The following LIPG variants were observed in gnomAD, a reference collection of about 807,000 sequenced individuals.
The protein encoded by LIPG is lipase G, endothelial type, also known as endothelial lipase.
A neutral mutation model predicts 51.8 loss-of-function variants in LIPG; 34 were observed. The observed-to-expected ratio is 0.66, with a 90% CI of 0.50 to 0.87. The LOEUF (loss-of-function observed/expected upper bound fraction) is 0.87, where lower values mean the gene tolerates loss of function less well. Ranked by LOEUF, LIPG falls within the 40% of genes least tolerant of loss-of-function variation. LIPG has a pLI of 0.00. For missense variants in LIPG, 580 were observed against 652.7 expected (o/e 0.89, Z 1.21); for synonymous variants, 246 against 246.1 (o/e 1.00, Z 0.00).
At chr18:49,571,444 C>T (rs540870988) in intron 4 of LIPG, among the ~76,000 whole-genome samples, 38 of 152,322 alleles carry the variant, frequency 2.5e-4, no homozygotes, top group African/African-American at 9.1e-4. Flanking sequence ...GGGCTTTTCT[C>T]CTGAGGGTGG....
intron 4 of LIPG, among the ~76,000 whole-genome samples, chr18:49,574,598 C>T (rs375418605): frequency 2.6e-5 from 4 of 152,200 alleles, no homozygotes; most frequent in African/African-American, 7.2e-5. Flanking sequence ...TAACTAGTTG[C>T]TTGTGTGTCC....
At chr18:49,575,284 C>A in intron 4 of LIPG, 85 bp from the exon 5 acceptor site, 4 of 1,038,028 alleles carry the variant, frequency 3.9e-6, no homozygotes, top group South Asian at 1.4e-5. Flanking sequence ...CTTCATTCTG[C>A]ACACTCAGAC....
intron 5 of LIPG, among the ~76,000 whole-genome samples, chr18:49,579,792 T>TCCTCCCCTCCCCTCCCCTCCC (rs1568533574): frequency 1.4e-5 from 2 of 139,734 alleles, no homozygotes; most frequent in African/African-American, 6.2e-5. Context: ...TCTTTTCTTT[T>TCCTCCCCTCCCCTCCCCTCCC]CTTTTCTTTT....
chr18:49,577,621 G>T (rs1600554922), intron 5 of LIPG, among the ~76,000 whole-genome samples: 1 of 146,382 alleles, frequency 6.8e-6, no homozygotes, highest in African/African-American at 2.6e-5. Context: ...TCACCTCCCG[G>T]ACGGGGCGGC....
intron 4 of LIPG, among the ~76,000 whole-genome samples, chr18:49,573,959 C>G (rs1353119696): frequency 1.3e-5 from 2 of 152,150 alleles, no homozygotes. Context: ...GAATGTTTAG[C>G]TGTATTCCTG....
chr18:49,581,364 AATC>A (rs2084816887), intron 5 of LIPG, 48 bp from the exon 6 acceptor site: 2 of 1,611,612 alleles, frequency 1.2e-6, no homozygotes, highest in South Asian at 2.2e-5. Context: ...TTGAGTGTCT[AATC>A]ATCAAGAAGG....
At chr18:49,571,172 A>G (rs563537577) in intron 4 of LIPG, among the ~76,000 whole-genome samples, 1 of 152,170 alleles carries the variant, frequency 6.6e-6, no homozygotes, top group Non-Finnish European at 1.5e-5. Context: ...TTGCTGGTGC[A>G]AAGCAGTTTG....
chr18:49,575,523 C>A lies in LIPG; in HGVS notation c.726C>A (p.Tyr242Ter), dbSNP rs1480380219. The change falls in exon 5 of 10, where the codon TAC (tyrosine) becomes TAA (stop). Residue 242 changes from tyrosine (Y) to a stop codon, truncating the protein, a stop_gained. Coordinates refer to ENST00000261292, the MANE Select transcript of LIPG (RefSeq NM_006033.4). LOFTEE classifies it high-confidence loss of function. ...IQMPVGHIDIYPNGGDFQPGC... is the reference protein window; with the variant it reads ...IQMPVGHIDI ...TGCCTGTGGGCCACATTGACATCTA[C>A]CCCAATGGGGGTGACTTCCAGCCAG... 1 of 1,614,164 alleles carries A rather than the reference C, an allele frequency of 6.2e-7. No individual in the cohort carries two copies. The highest frequency in any genetic ancestry group is 1.7e-5 in the Admixed American group (1 of 60,020).
Position 49,597,634 on chromosome 18 carries a change from G to T in LIPG, c.*7112G>T, listed in dbSNP as rs116980487. 0.013 allele frequency: 1,978 copies of T among 152,478 alleles called. 22 individuals are homozygous for T. Among genetic ancestry groups the T allele is most frequent in the Non-Finnish European group, 0.019 (1,319 of 68,132 alleles). The allele number at this position is 152,478 out of a possible 1,614,324, so 9.4% of individuals were successfully genotyped here. A position where few individuals can be genotyped will look rare whatever the true frequency, so the allele number is the denominator to read the frequency against. ...AAGAAGACTCTGGAAGCTAGGACAG[G>T]TCTCAGCAGGTGAGGGCTCAGGCCC... On this transcript the variant is annotated 3_prime_UTR_variant, in exon 10 of 10. Transcript: ENST00000261292.
At chr18:49,590,173 TTGTG>T (rs57137391) in intron 9 of LIPG, 35,812 of 369,720 alleles carry the variant, frequency 0.097, 1,126 homozygotes, top group African/African-American at 0.16. Context: ...GTGTCCATGA[TTGTG>T]TGTGTGTGTG....
rs886481233 is a variant in LIPG at position 49,586,605 on chromosome 18, G to T, written c.1377-141G>T. The T allele has an allele frequency of 1.3e-5, 9 of 699,420 alleles. No homozygotes were observed. In the African/African-American group the frequency reaches 1.6e-4, roughly 12 times the overall value. The allele number at this position is 699,420 out of a possible 1,614,324, so 43.3% of individuals were successfully genotyped here. A position where few individuals can be genotyped will look rare whatever the true frequency, so the allele number is the denominator to read the frequency against. ...GGTTAGAGTCCCTGCAGTAGTGATG[G>T]GGAATTCTGAAGGCTTTTGAGTCGG... is the stretch of plus-strand genomic sequence containing the variant. On this transcript the variant is annotated intron_variant, in intron 8 of 9. Transcript: ENST00000261292.
chr18:49,578,113 G>C (rs1459115454), intron 5 of LIPG, among the ~76,000 whole-genome samples: 3 of 62,662 alleles, frequency 4.8e-5, no homozygotes, highest in Non-Finnish European at 9.6e-5. Flanking sequence ...CTGGCCGGGC[G>C]GGGGGCTGAC....
chr18:49,582,484 T>C lies in LIPG; in HGVS notation c.1157+2T>C. The C allele has an allele frequency of 3.1e-6, 5 of 1,614,228 alleles. No homozygotes were observed. Among genetic ancestry groups the C allele is most frequent in the Non-Finnish European group, 4.2e-6 (5 of 1,180,042 alleles). On this transcript the variant is annotated splice_donor_variant, in intron 7 of 9. Transcript: ENST00000261292. LOFTEE classifies it high-confidence loss of function. ...TTCCCAGACTCTGCCACTGGAAATGTAAGTCATCCGTTTCCCTTGCTGGGT... is the reference window on the plus strand; with the variant it reads ...TTCCCAGACTCTGCCACTGGAAATGCAAGTCATCCGTTTCCCTTGCTGGGT...
At chr18:49,571,766 A>C (rs1011470007) in intron 4 of LIPG, among the ~76,000 whole-genome samples, 2 of 152,180 alleles carry the variant, frequency 1.3e-5, no homozygotes, top group African/African-American at 2.4e-5. Context: ...TAAGGCCACC[A>C]GGCAGTCCTT....
At position 49,588,995 on chromosome 18, in the gene LIPG, G is replaced by A. The variant is rs141629395; in HGVS notation, c.1482-1506G>A. On this transcript the variant is annotated intron_variant, in intron 9 of 9. Transcript: ENST00000261292. ...TAGCCCTGTGTACAGATGAGGAACC[G>A]AGGCTCAGGGAGATGAAGTTTCTCT... 7.2e-4 allele frequency among the ~76,000 whole-genome samples: 110 copies of A among 152,228 alleles called. 2 individuals are homozygous for A. The highest frequency in any genetic ancestry group is 2.5e-3 in the African/African-American group (105 of 41,532).
intron 5 of LIPG, among the ~76,000 whole-genome samples, chr18:49,578,534 C>G (rs1356813425): frequency 1.4e-5 from 2 of 146,760 alleles, no homozygotes; most frequent in African/African-American, 2.6e-5. Context: ...TCCTCACTTT[C>G]CAGACTGGGC....
At position 49,565,419 on chromosome 18, in the gene LIPG, C is replaced by G. The variant is rs867043858; in HGVS notation, c.200C>G (p.Ser67Cys). The change falls in exon 2 of 10, where the codon TCC becomes TGC. Residue 67 changes from serine (S) to cysteine (C), a missense_variant. Transcript: ENST00000261292. ...CCAGAGCATGAAGGATGCTACCTCTCCGTCGGCCACAGCCAGCCCTTAGAA... is the reference window on the plus strand; with the variant it reads ...CCAGAGCATGAAGGATGCTACCTCTGCGTCGGCCACAGCCAGCCCTTAGAA... ...KDPEHEGCYLSVGHSQPLEDC... is the reference protein window; with the variant it reads ...KDPEHEGCYLCVGHSQPLEDC... 2 of 1,614,230 alleles carry G rather than the reference C, an allele frequency of 1.2e-6. No homozygotes were observed. The highest frequency in any genetic ancestry group is 4.5e-5 in the East Asian group (2 of 44,884).
chr18:49,577,670 G>A (rs1295734889), intron 5 of LIPG, among the ~76,000 whole-genome samples: 3 of 111,138 alleles, frequency 2.7e-5, no homozygotes, highest in African/African-American at 1.0e-4. Flanking sequence ...CTCCCTCCCG[G>A]ACGGCACGGC....
chr18:49,561,974 G>A, upstream of LIPG: 22 of 1,387,510 alleles, frequency 1.6e-5, no homozygotes, highest in Non-Finnish European at 2.0e-5. Flanking sequence ...GCCCAGAGAC[G>A]GGAATAAATT....
Sources: allele counts gnomAD v4.1 joint callset (sites outside exome capture counted in the v4.1 genomes callset), GRCh38; gene constraint gnomAD v4.1.1; transcripts MANE v1.5; gene names NCBI Gene and HGNC (gene_info 2026-07-23, HGNC 2026-07-21).